The following KHDC1 variants were observed in gnomAD, a reference collection of about 807,000 sequenced individuals.
KHDC1 encodes the protein KH domain containing 1.
In KHDC1, 21 loss-of-function variants were observed where a neutral mutation model predicts 24.7. That is an observed-to-expected ratio of 0.85 (90% CI 0.60 to 1.23). The LOEUF is 1.23. Ranked by LOEUF, KHDC1 falls within the 50% of genes most tolerant of loss-of-function variation. The probability of loss-of-function intolerance (pLI) is 0.00; values close to 1 mark genes in which losing one functional copy is unlikely to be tolerated. For missense variants in KHDC1, 274 were observed against 298.5 expected (o/e 0.92, Z 0.61); for synonymous variants, 98 against 111.7 (o/e 0.88, Z 0.77).
rs111293511 is a variant in KHDC1, at chr6:73,268,936, G to A, written c.206+23062C>T. On this transcript the variant is annotated intron_variant, in intron 2 of 4. Transcript: ENST00000370384. ...CATGGAGCAGGGGGTGGTGCTCGTC[G>A]GGGAGCTCAGGCAGCACAGGAGCCC... The A allele has an allele frequency of 1.3e-4, 20 of 154,862 alleles. 1 individual carries two copies. Among genetic ancestry groups the A allele is most frequent in the African/African-American group, 4.1e-4 (17 of 41,614 alleles). 9.6% of individuals were successfully genotyped at this position (154,862 alleles called of 1,614,324 possible).
intron 2 of KHDC1, among the ~76,000 whole-genome samples, chr6:73,282,842 ATAT>A (rs1767440450): frequency 6.6e-6 from 1 of 152,116 alleles, no homozygotes; most frequent in African/African-American, 2.4e-5. Context: ...CCCACCCACC[ATAT>A]TATCCTTAAA....
intron 2 of KHDC1, among the ~76,000 whole-genome samples, chr6:73,255,821 G>C (rs565619241): frequency 6.7e-6 from 1 of 149,866 alleles, no homozygotes; most frequent in South Asian, 2.1e-4. Context: ...AGAATCGCTT[G>C]AACCTGGGAG....
chr6:73,280,705 C>T (rs1767387847), intron 2 of KHDC1, among the ~76,000 whole-genome samples: 2 of 150,704 alleles, frequency 1.3e-5, no homozygotes, highest in Admixed American at 6.6e-5. Flanking sequence ...TTTTTAGTAG[C>T]GATGGGGTTT....
At chr6:73,267,448 A>T (rs1298561834) in intron 2 of KHDC1, among the ~76,000 whole-genome samples, 1 of 152,168 alleles carries the variant, frequency 6.6e-6, no homozygotes, top group Non-Finnish European at 1.5e-5. Context: ...ACGCCACTGC[A>T]CTCCAGACTG....
rs1767007345 is a variant in KHDC1, at chr6:73,262,925, C to T, written c.207-20395G>A. 7.1e-6 allele frequency: 7 copies of T among 987,810 alleles called. No homozygotes were observed. The South Asian group carries it at 3.2e-4, about 45-fold the overall frequency. 61.2% of individuals were successfully genotyped at this position (987,810 alleles called of 1,614,324 possible). On this transcript the variant is annotated intron_variant, in intron 2 of 4. Coordinates refer to ENST00000370384, the Ensembl canonical transcript of KHDC1. ...AACCCAGGCTTCTCTGTCCCTTCACCGGACTAACCGAGTTCGAGACCACAG... is the reference window on the plus strand; with the variant it reads ...AACCCAGGCTTCTCTGTCCCTTCACTGGACTAACCGAGTTCGAGACCACAG...
chr6:73,303,684 T>A (rs1767914849), intron 1 of KHDC1, among the ~76,000 whole-genome samples: 1 of 152,204 alleles, frequency 6.6e-6, no homozygotes, highest in African/African-American at 2.4e-5. Context: ...CAAACTGAGA[T>A]GCATTCTAGA....
intron 2 of KHDC1, among the ~76,000 whole-genome samples, chr6:73,283,823 G>A (rs979733207): frequency 6.6e-6 from 1 of 150,792 alleles, no homozygotes; most frequent in East Asian, 2.0e-4. Flanking sequence ...TGATCCTCCC[G>A]CCTCCGCCTC....
At chr6:73,262,942 A>C in intron 2 of KHDC1, 1 of 989,462 alleles carries the variant, frequency 1.0e-6, no homozygotes, top group Non-Finnish European at 1.2e-6. Flanking sequence ...ACCGAGTTCG[A>C]GACCACAGGG....
intron 2 of KHDC1, among the ~76,000 whole-genome samples, chr6:73,253,451 G>T (rs1322367454): frequency 2.0e-5 from 3 of 152,020 alleles, no homozygotes; most frequent in Admixed American, 2.0e-4. Context: ...TACTCGGGAG[G>T]CTGAGGCAGG....
intron 2 of KHDC1, chr6:73,274,759 C>T (rs1767248770): frequency 6.6e-6 from 1 of 152,206 alleles, no homozygotes; most frequent in African/African-American, 2.4e-5. Flanking sequence ...GCATAACAGA[C>T]TAATACAGTG....
chr6:73,273,408 TC>T (rs1325103619), intron 2 of KHDC1, among the ~76,000 whole-genome samples: 4 of 151,772 alleles, frequency 2.6e-5, no homozygotes, highest in Admixed American at 1.3e-4. Flanking sequence ...CCTGAAGTGA[TC>T]CCCCCGCCTC....
chr6:73,288,971 A>G (rs1767575502), intron 2 of KHDC1, among the ~76,000 whole-genome samples: 1 of 152,230 alleles, frequency 6.6e-6, no homozygotes, highest in Non-Finnish European at 1.5e-5. Context: ...CTTGCATATC[A>G]GAGACACACT....
At chr6:73,290,690 G>T (rs1427343635) in intron 2 of KHDC1, 1 of 453,266 alleles carries the variant, frequency 2.2e-6, no homozygotes, top group Admixed American at 2.5e-5. Flanking sequence ...GCTGCTGCTG[G>T]AGCCACATGT....
intron 1 of KHDC1, among the ~76,000 whole-genome samples, chr6:73,305,804 A>C (rs577380500): frequency 7.2e-5 from 11 of 152,040 alleles, no homozygotes; most frequent in Non-Finnish European, 1.2e-4. Context: ...GGATTACAGG[A>C]GCCCGCCACC....
intron 2 of KHDC1, among the ~76,000 whole-genome samples, chr6:73,276,848 A>C (rs1767308055): frequency 6.6e-6 from 1 of 152,226 alleles, no homozygotes; most frequent in African/African-American, 2.4e-5. Context: ...GACTTGTTTA[A>C]AGATTCAAAA....
chr6:73,302,229 T>C (rs1375888202), intron 1 of KHDC1, among the ~76,000 whole-genome samples: 8 of 152,112 alleles, frequency 5.3e-5, no homozygotes, highest in Non-Finnish European at 1.5e-5. Flanking sequence ...GTGGAGGTTG[T>C]GGTGAGCCGA....
rs750301002 is a variant in KHDC1 at position 73,296,436 on chromosome 6, G to C, written c.164-4396C>G. Reference sequence around the variant, plus strand: ...CCACTGCACTGTAGCCTGGGTGACAGAGTGAGACTCCATCAAAAAAAAATT... The same window carrying C: ...CCACTGCACTGTAGCCTGGGTGACACAGTGAGACTCCATCAAAAAAAAATT... On this transcript the variant is annotated intron_variant, in intron 1 of 4. Coordinates refer to ENST00000370384, the Ensembl canonical transcript of KHDC1. Among the ~76,000 whole-genome samples, 4 of 152,190 alleles carry C rather than the reference G, an allele frequency of 2.6e-5. No individual in the cohort carries two copies. In the East Asian group the frequency reaches 7.7e-4, roughly 29 times the overall value.
intron 1 of KHDC1, among the ~76,000 whole-genome samples, chr6:73,308,857 A>T (rs1297866331): frequency 1.3e-5 from 2 of 151,826 alleles, no homozygotes; most frequent in Non-Finnish European, 2.9e-5. Context: ...CTTGAGACGG[A>T]GTCTCGCTCT....
intron 2 of KHDC1, among the ~76,000 whole-genome samples, chr6:73,260,259 T>C (rs1041049461): frequency 3.4e-4 from 52 of 152,230 alleles, no homozygotes; most frequent in African/African-American, 1.1e-3. Flanking sequence ...TCTATCAAGA[T>C]GTAAAAAAAA....
Sources: gnomAD v4.1 joint callset for allele counts (sites outside exome capture counted in the v4.1 genomes callset) on GRCh38, gnomAD v4.1.1 for gene constraint, MANE v1.5 for transcripts, NCBI Gene and HGNC (gene_info 2026-07-23, HGNC 2026-07-21) for gene names.